Variants in SLC7A8 observed in about 807,000 individuals in gnomAD.
SLC7A8 encodes large neutral amino acids transporter small subunit 2.
A neutral mutation model predicts 51.2 loss-of-function variants in SLC7A8; 30 were observed. That is an observed-to-expected ratio of 0.59 (90% confidence interval 0.44 to 0.80). SLC7A8 has a LOEUF of 0.80. SLC7A8 is among the 30% of genes least tolerant of loss of function. The pLI, the probability that SLC7A8 is intolerant of heterozygous loss-of-function variation, is 0.00. For synonymous variants in SLC7A8, 257 were observed against 275.8 expected (o/e 0.93, Z 0.67); for missense variants, 612 against 674.4 (o/e 0.91, Z 1.03).
chr14:23,170,600 A>T (rs886766927), intron 1 of SLC7A8, among the ~76,000 whole-genome samples: 1 of 152,108 alleles, frequency 6.6e-6, no homozygotes, highest in Non-Finnish European at 1.5e-5. Flanking sequence ...CTGGGATTAC[A>T]GGCGTGTGCC....
intron 3 of SLC7A8, chr14:23,154,114 G>T (rs2048870763): frequency 3.1e-6 from 1 of 322,970 alleles, no homozygotes; most frequent in Non-Finnish European, 4.5e-6. Context: ...AAGCAGTGAC[G>T]CCACTTTGTA....
rs74036931 is a variant in SLC7A8 at position 23,165,814 on chromosome 14, G to T, written c.357-378C>A. ...GCAATAATCAGGAGAGGTATCAAGTGGGGGTTTGCAGGGGAAGCGCCTTCC... is the reference window on the plus strand; with the variant it reads ...GCAATAATCAGGAGAGGTATCAAGTTGGGGTTTGCAGGGGAAGCGCCTTCC... On this transcript the variant is annotated intron_variant, in intron 2 of 10. Transcript: ENST00000316902. This position sits in a 1 kb window ranked among gnomAD's most constrained non-coding sequence, Gnocchi z 4.2. Among the ~76,000 whole-genome samples, 1,602 of 152,276 alleles carry T rather than the reference G, an allele frequency of 0.011. 27 individuals carry two copies. Among genetic ancestry groups the T allele is most frequent in the African/African-American group, 0.037 (1,519 of 41,536 alleles).
At chr14:23,179,354 C>T (rs1877059254) in intron 1 of SLC7A8, among the ~76,000 whole-genome samples, 1 of 152,114 alleles carries the variant, frequency 6.6e-6, no homozygotes, top group Non-Finnish European at 1.5e-5. Context: ...TGTATATTTC[C>T]ATAACACCTA....
intron 5 of SLC7A8, among the ~76,000 whole-genome samples, chr14:23,139,810 G>C (rs2048725876): frequency 6.6e-6 from 1 of 152,170 alleles, no homozygotes; most frequent in Non-Finnish European, 1.5e-5. Context: ...AGGAGTTCGA[G>C]GCCAGCCCTG....
intron 3 of SLC7A8, chr14:23,155,526 C>G: frequency 7.5e-7 from 1 of 1,341,382 alleles, no homozygotes. Flanking sequence ...GAGTAGTTCT[C>G]TCTTCAGCAT....
rs557133212 is a variant in SLC7A8 at position 23,174,190 on chromosome 14, A to G, written c.152-7650T>C. 2.8e-4 allele frequency among the ~76,000 whole-genome samples: 42 copies of G among 152,272 alleles called. No homozygotes were observed. In the South Asian group the frequency reaches 8.3e-3, roughly 30 times the overall value. On this transcript the variant is annotated intron_variant, in intron 1 of 10. Transcript: ENST00000316902. ...CCAAATACCACCTTAAGTCAACCTGACCTGTCTTTATCAGCTGCTTACTAA... is the reference window on the plus strand; with the variant it reads ...CCAAATACCACCTTAAGTCAACCTGGCCTGTCTTTATCAGCTGCTTACTAA...
chr14:23,154,317 C>T lies in SLC7A8; in HGVS notation c.508+10968G>A, dbSNP rs2048872425. The T allele has an allele frequency of 3.0e-6, 3 of 1,000,220 alleles. No homozygotes were observed. The African/African-American group carries it at 5.2e-5, about 17-fold the overall frequency. The allele number at this position is 1,000,220 out of a possible 1,614,324, so 62.0% of individuals were successfully genotyped here. On this transcript the variant is annotated intron_variant, in intron 3 of 10. Transcript: ENST00000316902. ...CCACGCTCTGGCCAGCTCCCACAGA[C>T]TCCCTCCCCTCCAGCTGGAGCAAAA... is the stretch of plus-strand genomic sequence containing the variant.
chr14:23,136,855 C>G (rs891769622), intron 7 of SLC7A8, among the ~76,000 whole-genome samples: 4 of 152,232 alleles, frequency 2.6e-5, no homozygotes, highest in Admixed American at 2.6e-4. Context: ...TCCGTGTGGC[C>G]ACTGCTCCTG....
intron 7 of SLC7A8, among the ~76,000 whole-genome samples, chr14:23,137,334 T>G (rs2048699832): frequency 1.3e-5 from 2 of 151,918 alleles, no homozygotes. Flanking sequence ...CACTTCACAT[T>G]CTCCACCTGA....
In SLC7A8 at chr14:23,169,004, C is replaced by T. The variant is rs185621583; in HGVS notation, c.152-2464G>A. Reference sequence around the variant, plus strand: ...GGCATTGGAATAAGAGTCCTCACTTCATAAAAATTGGGTTTCTGCCCCCAA... The same window carrying T: ...GGCATTGGAATAAGAGTCCTCACTTTATAAAAATTGGGTTTCTGCCCCCAA... On this transcript the variant is annotated intron_variant, in intron 1 of 10. Transcript: ENST00000316902. 3.3e-3 allele frequency among the ~76,000 whole-genome samples: 507 copies of T among 152,234 alleles called. 4 individuals are homozygous for T. The highest frequency in any genetic ancestry group is 5.6e-3 in the Admixed American group (86 of 15,280).
rs1877266846 is a variant in SLC7A8 at position 23,183,229 on chromosome 14, A to G, written c.-315T>C. On this transcript the variant is annotated 5_prime_UTR_variant, in exon 1 of 11. Transcript: ENST00000316902. ...GCGACTCCGGCTGGAATTCTGCTGA[A>G]AGGGATGTGTCTTCAGAAACCAGGA... is the stretch of plus-strand genomic sequence containing the variant. The G allele has an allele frequency of 3.3e-6, 1 of 299,230 alleles. No individual in the cohort carries two copies. The highest frequency in any genetic ancestry group is 4.9e-5 in the Admixed American group (1 of 20,474). The allele number at this position is 299,230 out of a possible 1,614,324, so 18.5% of individuals were successfully genotyped here. A position where few individuals can be genotyped will look rare whatever the true frequency, so the allele number is the denominator to read the frequency against.
intron 3 of SLC7A8, among the ~76,000 whole-genome samples, chr14:23,161,549 C>G (rs1373630720): frequency 1.5e-5 from 2 of 131,892 alleles, no homozygotes; most frequent in African/African-American, 5.8e-5. Context: ...AGCTGGCTTG[C>G]CTGGCCCCTG....
rs953700038 is a variant in SLC7A8 at position 23,128,593 on chromosome 14, G to A, written c.1264-397C>T. The stretch of plus-strand genomic sequence containing the variant: ...GGTCCTAGGGTGGAGGGGAGGTGTG[G>A]CAATGCACAAGGTGCAGGCAGGAGA... On this transcript the variant is annotated intron_variant, in intron 9 of 10. Coordinates refer to ENST00000316902, the MANE Select transcript of SLC7A8 (RefSeq NM_012244.4). This position sits in a 1 kb window ranked among gnomAD's most constrained non-coding sequence, Gnocchi z 4.3. 2.6e-5 allele frequency among the ~76,000 whole-genome samples: 4 copies of A among 152,200 alleles called. No homozygotes were observed. Among genetic ancestry groups the A allele is most frequent in the Non-Finnish European group, 5.9e-5 (4 of 68,040 alleles).
chr14:23,148,974 C>G (rs1391449842), intron 3 of SLC7A8, among the ~76,000 whole-genome samples: 1 of 152,192 alleles, frequency 6.6e-6, no homozygotes, highest in African/African-American at 2.4e-5. Context: ...AAGAGAAAAG[C>G]TTTTAAACAG....
At chr14:23,180,098 A>C (rs112238651) in intron 1 of SLC7A8, among the ~76,000 whole-genome samples, 1 of 151,890 alleles carries the variant, frequency 6.6e-6, no homozygotes, top group Non-Finnish European at 1.5e-5. Flanking sequence ...AGTAGAGACG[A>C]GGTTTCACCG....
intron 10 of SLC7A8, among the ~76,000 whole-genome samples, chr14:23,127,679 T>C (rs1453216097): frequency 6.6e-6 from 1 of 152,230 alleles, no homozygotes; most frequent in Non-Finnish European, 1.5e-5. Flanking sequence ...GATGGAGTCT[T>C]GCTATGTCGA....
chr14:23,135,011 T>C (rs2048675494), intron 7 of SLC7A8, among the ~76,000 whole-genome samples: 1 of 152,156 alleles, frequency 6.6e-6, no homozygotes, highest in African/African-American at 2.4e-5. Context: ...AAGCAATCCT[T>C]CCACCTTGCC....
In SLC7A8 at chr14:23,140,460, T is replaced by C; in HGVS notation, c.788+11A>G. On this transcript the variant is annotated intron_variant, in intron 5 of 10. Coordinates refer to ENST00000316902, the MANE Select transcript of SLC7A8 (RefSeq NM_012244.4). ...CAAGGGAGAGGGAATAGCCAGGCTC[T>C]TTCAACTCACTTGTAGGGATCAACA... 6.3e-7 allele frequency: 1 copy of C among 1,592,404 alleles called. No individual in the cohort carries two copies. The highest frequency in any genetic ancestry group is 8.6e-7 in the Non-Finnish European group (1 of 1,162,938).
At chr14:23,135,772 A>G (rs185117624) in intron 7 of SLC7A8, among the ~76,000 whole-genome samples, 132 of 152,314 alleles carry the variant, frequency 8.7e-4, no homozygotes, top group African/African-American at 3.1e-3. Flanking sequence ...ATATTGAAGG[A>G]GATGGGATAT....
Sources: allele counts gnomAD v4.1 joint callset (sites outside exome capture counted in the v4.1 genomes callset), GRCh38; gene constraint gnomAD v4.1.1; non-coding constraint Gnocchi (gnomAD v3.1); transcripts MANE v1.5; gene names NCBI Gene and HGNC (gene_info 2026-07-23, HGNC 2026-07-21).